FAT3: variants seen among roughly 807,000 people sequenced by gnomAD.
The protein encoded by FAT3 is protocadherin Fat 3.
FAT3 carries 95 observed loss-of-function variants against 310.2 expected under a neutral mutation model. The observed-to-expected ratio is 0.31, with a 90% confidence interval of 0.26 to 0.36. FAT3 has a LOEUF of 0.36. FAT3 is among the 10% of genes least tolerant of loss of function. The probability of loss-of-function intolerance (pLI) is 1.00; values close to 1 mark genes in which losing one functional copy is unlikely to be tolerated. For synonymous variants in FAT3, 2,314 were observed against 2,192.9 expected, an observed-to-expected ratio of 1.06 and a Z score of -1.54; for missense variants, 5,408 against 5,715.6, an observed-to-expected ratio of 0.95 and a Z score of 1.74.
intron 19 of FAT3, among the ~76,000 whole-genome samples, chr11:92,853,462 G>A (rs570946635): frequency 1.2e-4 from 19 of 152,330 alleles, no homozygotes; most frequent in East Asian, 1.2e-3. Context: ...CTTGTCGCCC[G>A]CAATGTGGAG....
intron 2 of FAT3, among the ~76,000 whole-genome samples, chr11:92,417,751 C>G (rs1212165972): frequency 6.6e-6 from 1 of 151,642 alleles, no homozygotes; most frequent in East Asian, 1.9e-4. Flanking sequence ...ATTGACTAAC[C>G]AAACATTTAA....
chr11:92,625,092 G>A (rs1941265925), intron 3 of FAT3, among the ~76,000 whole-genome samples: 1 of 152,170 alleles, frequency 6.6e-6, no homozygotes, highest in South Asian at 2.1e-4. Context: ...ATCATGGTGG[G>A]TGTAGGGCCA....
intron 4 of FAT3, among the ~76,000 whole-genome samples, chr11:92,717,002 C>T (rs980169767): frequency 6.6e-6 from 1 of 152,126 alleles, no homozygotes; most frequent in Non-Finnish European, 1.5e-5. Flanking sequence ...TGATCTAGAG[C>T]AAATTCTTAC....
At chr11:92,484,302 A>G (rs1295253340) in intron 2 of FAT3, among the ~76,000 whole-genome samples, 1 of 152,130 alleles carries the variant, frequency 6.6e-6, no homozygotes, top group African/African-American at 2.4e-5. Context: ...TTATGCTAGA[A>G]TTGTTACCAT....
chr11:92,774,624 A>G (rs1473716991), intron 7 of FAT3, among the ~76,000 whole-genome samples: 1 of 152,226 alleles, frequency 6.6e-6, no homozygotes, highest in Non-Finnish European at 1.5e-5. Context: ...TAAGTGATGT[A>G]TCCAAGGTCA....
chr11:92,403,193 G>A (rs1950061144), intron 2 of FAT3: 1 of 152,202 alleles, frequency 6.6e-6, no homozygotes, highest in Non-Finnish European at 1.5e-5. Flanking sequence ...TAGATGTAAT[G>A]TCAACAAGAA....
intron 1 of FAT3, among the ~76,000 whole-genome samples, chr11:92,234,406 G>C (rs1202356911): frequency 6.6e-6 from 1 of 152,194 alleles, no homozygotes; most frequent in East Asian, 1.9e-4. Context: ...GGAGAAGATG[G>C]AACTAGAATG....
At chr11:92,595,438 AG>A (rs1314072192) in intron 3 of FAT3, among the ~76,000 whole-genome samples, 1 of 152,214 alleles carries the variant, frequency 6.6e-6, no homozygotes, top group East Asian at 1.9e-4. Flanking sequence ...GGCTTTTAAC[AG>A]GCTGTGGTTA....
Position 92,891,512 on chromosome 11 carries a change from T to C in FAT3, c.*399T>C, listed in dbSNP as rs1949918215. The C allele has an allele frequency of 5.3e-6, 1 of 190,410 alleles. No homozygotes were observed. Among genetic ancestry groups the C allele is most frequent in the African/African-American group, 2.3e-5 (1 of 43,618 alleles). The allele number at this position is 190,410 out of a possible 1,614,324, so 11.8% of individuals were successfully genotyped here. On this transcript the variant is annotated 3_prime_UTR_variant, in exon 28 of 28. Coordinates refer to ENST00000525166, the MANE Select transcript of FAT3 (RefSeq NM_001367949.2). ...CAACAATCAAAGAGGCATTGTTGCA[T>C]GTAATTTTGAGCCAATGAAATGAAA... is the stretch of plus-strand genomic sequence containing the variant.
At chr11:92,597,535 T>G (rs900480014) in intron 3 of FAT3, among the ~76,000 whole-genome samples, 1 of 152,192 alleles carries the variant, frequency 6.6e-6, no homozygotes, top group Non-Finnish European at 1.5e-5. Flanking sequence ...CTCAGGCAGC[T>G]CTTCTTTGGC....
At chr11:92,542,735 A>T (rs1028400874) in intron 3 of FAT3, among the ~76,000 whole-genome samples, 1 of 152,098 alleles carries the variant, frequency 6.6e-6, no homozygotes, top group African/African-American at 2.4e-5. Context: ...TGATGAGAAT[A>T]TAAATTATTA....
intron 3 of FAT3, among the ~76,000 whole-genome samples, chr11:92,642,717 C>A (rs1452803237): frequency 6.6e-6 from 1 of 152,212 alleles, no homozygotes; most frequent in Non-Finnish European, 1.5e-5. Flanking sequence ...TACTGGGAGA[C>A]AGCAGACTAT....
intron 2 of FAT3, among the ~76,000 whole-genome samples, chr11:92,517,841 A>G (rs951909776): frequency 6.6e-6 from 1 of 152,250 alleles, no homozygotes; most frequent in South Asian, 2.1e-4. Context: ...AAAAGAAGAC[A>G]TTTATATGGC....
At chr11:92,549,810 GT>G (rs1347725435) in intron 3 of FAT3, among the ~76,000 whole-genome samples, 1 of 152,048 alleles carries the variant, frequency 6.6e-6, no homozygotes, top group Non-Finnish European at 1.5e-5. Flanking sequence ...TCAAGATCCT[GT>G]TTTTTTGTAC....
chr11:92,823,241 A>C (rs940634913), intron 13 of FAT3, among the ~76,000 whole-genome samples: 5 of 152,206 alleles, frequency 3.3e-5, no homozygotes, highest in African/African-American at 1.2e-4. Flanking sequence ...TTGGGTAGCT[A>C]TCCAGCACAG....
intron 1 of FAT3, among the ~76,000 whole-genome samples, chr11:92,240,931 C>G (rs369076406): frequency 3.9e-5 from 6 of 152,082 alleles, no homozygotes; most frequent in African/African-American, 9.6e-5. Flanking sequence ...TAGAATCCCC[C>G]CCATGCCCCC....
At chr11:92,494,458 A>G (rs542794494) in intron 2 of FAT3, among the ~76,000 whole-genome samples, 24 of 152,142 alleles carry the variant, frequency 1.6e-4, no homozygotes, top group East Asian at 5.8e-4. Flanking sequence ...TAAGTATTAC[A>G]TTGTCTGAGT....
At chr11:92,793,058 C>T (rs1565597458) in intron 9 of FAT3, 81 bp downstream of exon 9, 3 of 1,423,710 alleles carry the variant, frequency 2.1e-6, no homozygotes, top group East Asian at 2.4e-5. Flanking sequence ...ATGTAAAATT[C>T]AGATCATTAA....
At chr11:92,483,652 C>T (rs570292841) in intron 2 of FAT3, among the ~76,000 whole-genome samples, 1 of 152,050 alleles carries the variant, frequency 6.6e-6, no homozygotes, top group Non-Finnish European at 1.5e-5. Flanking sequence ...GTTTATTAAA[C>T]ACCTCTTCTA....
Sources: allele counts gnomAD v4.1 joint callset (sites outside exome capture counted in the v4.1 genomes callset), GRCh38; gene constraint gnomAD v4.1.1; transcripts MANE v1.5; gene names NCBI Gene and HGNC (gene_info 2026-07-23, HGNC 2026-07-21).